The following TMEM181 variants were observed in gnomAD, a reference collection of about 807,000 sequenced individuals.
The protein encoded by TMEM181 is transmembrane protein 181.
In TMEM181, 39 loss-of-function variants were observed where a neutral mutation model predicts 71.9. That is an observed-to-expected ratio of 0.54 (90% CI 0.42 to 0.71). The LOEUF is 0.71. Ranked by LOEUF, TMEM181 falls within the 30% of genes least tolerant of loss-of-function variation. TMEM181 has a pLI of 0.00. For synonymous variants in TMEM181, 245 were observed against 228.8 expected (o/e 1.07, Z -0.64); for missense variants, 595 against 583.0 (o/e 1.02, Z -0.21).
At chr6:158,603,255 A>G (rs1784767936) in intron 6 of TMEM181, among the ~76,000 whole-genome samples, 1 of 152,162 alleles carries the variant, frequency 6.6e-6, no homozygotes, top group South Asian at 2.1e-4. Context: ...GTTTTGTGGA[A>G]GACAATTTTT....
chr6:158,544,465 CTGCTGGGGTAGTGTGTGTG>C (rs919885035), intron 1 of TMEM181, among the ~76,000 whole-genome samples: 8 of 151,938 alleles, frequency 5.3e-5, no homozygotes, highest in African/African-American at 1.9e-4. Flanking sequence ...GATGAGCCGT[CTGCTGGGGTAGTGTGTGTG>C]TGCTGGGGTA....
At position 158,633,966 on chromosome 6, in the gene TMEM181, TGTTA is replaced by T. The variant is rs1177596022; in HGVS notation, c.*2079_*2082del. On this transcript the variant is annotated 3_prime_UTR_variant, in exon 17 of 17. Transcript: ENST00000684151. ...ATAATTGTCCATGATTTTGGAATGC[TGTTA>T]TTTATCAGTAAATGTAAAATATTTG... The T allele has an allele frequency of 1.3e-5, 2 of 152,238 alleles. No homozygotes were observed. Among genetic ancestry groups the T allele is most frequent in the Non-Finnish European group, 2.9e-5 (2 of 68,032 alleles). 9.4% of individuals were successfully genotyped at this position (152,238 alleles called of 1,614,324 possible).
chr6:158,601,588 G>A (rs969525302), intron 6 of TMEM181, among the ~76,000 whole-genome samples: 6 of 151,914 alleles, frequency 3.9e-5, no homozygotes, highest in African/African-American at 1.2e-4. Flanking sequence ...ATGAAGCCCC[G>A]TCTCGACTAA....
intron 10 of TMEM181, among the ~76,000 whole-genome samples, chr6:158,616,817 G>A (rs1188794182): frequency 6.6e-6 from 1 of 152,184 alleles, no homozygotes; most frequent in Non-Finnish European, 1.5e-5. Context: ...AACCAGCCTT[G>A]CATCCCAGGG....
intron 13 of TMEM181, 163 bp from the exon 14 acceptor site, chr6:158,628,245 T>C: frequency 1.4e-6 from 1 of 719,114 alleles, no homozygotes; most frequent in East Asian, 2.7e-5. Flanking sequence ...TGTGTGTGCA[T>C]GTGTGCATCT....
At chr6:158,625,805 T>C (rs1445504172) in intron 13 of TMEM181, 51 bp downstream of exon 13, 3 of 1,509,850 alleles carry the variant, frequency 2.0e-6, no homozygotes, top group African/African-American at 1.4e-5. Context: ...TTTCTTTTAC[T>C]GTCAGGAATA....
At chr6:158,556,237 A>T (rs758737298), upstream of TMEM181, among the ~76,000 whole-genome samples, 1 of 152,218 alleles carries the variant, frequency 6.6e-6, no homozygotes, top group South Asian at 2.1e-4. Flanking sequence ...GCCTGAGAGA[A>T]GAGTCGCCTT....
chr6:158,624,584 C>A (rs1786161982), intron 11 of TMEM181, among the ~76,000 whole-genome samples: 1 of 152,242 alleles, frequency 6.6e-6, no homozygotes. Flanking sequence ...TGTGACATTA[C>A]AGAATTGTGC....
intron 1 of TMEM181, among the ~76,000 whole-genome samples, chr6:158,560,446 C>T (rs1389093453): frequency 6.6e-6 from 1 of 152,120 alleles, no homozygotes; most frequent in Non-Finnish European, 1.5e-5. Context: ...CTCCCTCCTG[C>T]CTGCCCGCCC....
intron 2 of TMEM181, among the ~76,000 whole-genome samples, chr6:158,579,712 G>A (rs571174212): frequency 1.3e-5 from 2 of 152,100 alleles, no homozygotes; most frequent in East Asian, 1.9e-4. Context: ...AGAGTGAAAC[G>A]CTGTCTCAAA....
chr6:158,617,143 T>G (rs1785658623), intron 10 of TMEM181, among the ~76,000 whole-genome samples: 1 of 152,236 alleles, frequency 6.6e-6, no homozygotes, highest in Admixed American at 6.5e-5. Context: ...AGCTATTAAT[T>G]ATTGCCTCAA....
intron 1 of TMEM181, among the ~76,000 whole-genome samples, chr6:158,560,661 C>T (rs1260004771): frequency 1.3e-5 from 2 of 152,238 alleles, no homozygotes; most frequent in African/African-American, 4.8e-5. Context: ...CGAGAGCGCC[C>T]CGCGCTGCCC....
chr6:158,616,662 A>C (rs1290887320), intron 10 of TMEM181, among the ~76,000 whole-genome samples: 5 of 152,196 alleles, frequency 3.3e-5, no homozygotes, highest in Admixed American at 6.5e-5. Context: ...ACGTCCCATC[A>C]ACACCTAGTT....
upstream of TMEM181, among the ~76,000 whole-genome samples, chr6:158,557,667 G>T (rs1308717950): frequency 6.6e-6 from 1 of 152,066 alleles, no homozygotes; most frequent in African/African-American, 2.4e-5. Flanking sequence ...ACAGGCACCC[G>T]CCATCACGCC....
At chr6:158,554,620 G>A (rs961026390) in intron 1 of TMEM181, among the ~76,000 whole-genome samples, 1 of 152,158 alleles carries the variant, frequency 6.6e-6, no homozygotes, top group African/African-American at 2.4e-5. Context: ...ACAACATTAA[G>A]TCAGGACTTA....
chr6:158,625,884 G>T (rs1180518428), intron 13 of TMEM181, 130 bp downstream of exon 13: 2 of 812,052 alleles, frequency 2.5e-6, no homozygotes, highest in Non-Finnish European at 2.0e-6. Context: ...AGGTTAGAGG[G>T]CCTCCCACCA....
chr6:158,623,933 G>T (rs1229847212), intron 11 of TMEM181, among the ~76,000 whole-genome samples: 7 of 152,128 alleles, frequency 4.6e-5, no homozygotes, highest in Non-Finnish European at 1.0e-4. Context: ...GGTAATTTCT[G>T]TATTTTTAGT....
chr6:158,581,514 GA>G (rs1783471642), intron 3 of TMEM181, among the ~76,000 whole-genome samples: 1 of 152,088 alleles, frequency 6.6e-6, no homozygotes, highest in African/African-American at 2.4e-5. Context: ...AGCACTTTGG[GA>G]AGCTGAGGTG....
intron 2 of TMEM181, among the ~76,000 whole-genome samples, chr6:158,576,906 C>T (rs189817543): frequency 6.6e-6 from 1 of 151,758 alleles, no homozygotes; most frequent in Non-Finnish European, 1.5e-5. Flanking sequence ...GCTAAAAATA[C>T]AAAAAATTAG....
Sources: allele counts gnomAD v4.1 joint callset (sites outside exome capture counted in the v4.1 genomes callset), GRCh38; gene constraint gnomAD v4.1.1; transcripts MANE v1.5; gene names NCBI Gene and HGNC (gene_info 2026-07-23, HGNC 2026-07-21).